Variants in CFAP58 observed in about 807,000 individuals in gnomAD.
CFAP58 encodes the protein cilia and flagella associated protein 58, also known as cilia- and flagella-associated protein 58.
Under a neutral mutation model 119.5 loss-of-function variants are expected in CFAP58, and 88 were observed. The observed-to-expected ratio is 0.74, with a 90% CI of 0.62 to 0.88. CFAP58 has a LOEUF of 0.88. Ranked by LOEUF, CFAP58 falls within the 40% of genes least tolerant of loss-of-function variation. CFAP58 has a pLI of 0.00. For missense variants in CFAP58, 990 were observed against 1,021.2 expected (o/e 0.97, Z 0.42); for synonymous variants, 365 against 366.3 (o/e 1.00, Z 0.04).
intron 15 of CFAP58, among the ~76,000 whole-genome samples, chr10:104,414,165 T>C (rs371036585): frequency 5.9e-5 from 9 of 152,212 alleles, no homozygotes; most frequent in African/African-American, 2.2e-4. Context: ...AATGGCAGGC[T>C]GATTTGTCAA....
intron 15 of CFAP58, among the ~76,000 whole-genome samples, chr10:104,425,421 A>T (rs1386131612): frequency 6.6e-6 from 1 of 152,172 alleles, no homozygotes; most frequent in African/African-American, 2.4e-5. Context: ...TATATGTCTT[A>T]GAGACCAAGC....
intron 9 of CFAP58, among the ~76,000 whole-genome samples, chr10:104,390,448 G>A (rs1462886939): frequency 6.6e-6 from 1 of 152,140 alleles, no homozygotes; most frequent in Non-Finnish European, 1.5e-5. Context: ...CTGTGTAGTT[G>A]TCTATTTACT....
In CFAP58 at chr10:104,380,070, C is replaced by T. The variant is rs1429503598; in HGVS notation, c.1215C>T (p.Asp405=). Residue 405 remains aspartate, a synonymous_variant, in exon 9 of 18, where the codon GAC becomes GAT. Transcript: ENST00000369704. The stretch of plus-strand genomic sequence containing the variant: ...TCAATGCGACCCAGAAGCAGACAGA[C>T]TTGGTAAAGCTCCATGAACAAGCCA... ...KAVNATQKQT[D]LVKLHEQAKR... is the part of the protein sequence containing the mutation. 2 of 1,614,062 alleles carry T rather than the reference C, an allele frequency of 1.2e-6. No individual in the cohort carries two copies. The highest frequency in any genetic ancestry group is 1.7e-6 in the Non-Finnish European group (2 of 1,179,976).
chr10:104,404,355 G>A (rs2012321148), intron 14 of CFAP58, among the ~76,000 whole-genome samples: 1 of 152,270 alleles, frequency 6.6e-6, no homozygotes, highest in African/African-American at 2.4e-5. Flanking sequence ...GGTAGGGGAT[G>A]GATAATCAAC....
At chr10:104,357,584 T>G (rs944974081) in intron 1 of CFAP58, among the ~76,000 whole-genome samples, 2 of 152,054 alleles carry the variant, frequency 1.3e-5, no homozygotes, top group Non-Finnish European at 2.9e-5. Context: ...GCTCTGAAAA[T>G]TCCTTGAATC....
chr10:104,399,326 T>C (rs2012219067), intron 11 of CFAP58, 34 bp from the exon 12 acceptor site: 5 of 1,609,994 alleles, frequency 3.1e-6, no homozygotes, highest in Middle Eastern at 1.7e-4. Context: ...CTGTAACGAA[T>C]TGAAATTTGC....
At chr10:104,364,606 C>T in intron 3 of CFAP58, 127 bp from the exon 4 acceptor site, 1 of 770,536 alleles carries the variant, frequency 1.3e-6, no homozygotes, top group South Asian at 2.0e-5. Context: ...AGATCTTTCT[C>T]TTTAATGTCT....
intron 9 of CFAP58, chr10:104,381,993 G>A: frequency 1.5e-6 from 1 of 650,896 alleles, no homozygotes; most frequent in East Asian, 2.8e-5. Flanking sequence ...GTTAGCTTCT[G>A]TATTCATCAG....
chr10:104,450,935 A>C (rs142663106), intron 17 of CFAP58, among the ~76,000 whole-genome samples: 1 of 151,878 alleles, frequency 6.6e-6, no homozygotes, highest in African/African-American at 2.4e-5. Flanking sequence ...GATGTGACCT[A>C]TTCTTCTAGG....
intron 9 of CFAP58, among the ~76,000 whole-genome samples, chr10:104,389,948 T>C (rs2011999629): frequency 6.6e-6 from 1 of 152,170 alleles, no homozygotes; most frequent in Non-Finnish European, 1.5e-5. Context: ...ATTAAAAGAA[T>C]CATCCAGTAT....
chr10:104,438,925 T>G (rs998713210), intron 15 of CFAP58, among the ~76,000 whole-genome samples: 23 of 152,218 alleles, frequency 1.5e-4, no homozygotes, highest in African/African-American at 4.3e-4. Context: ...TCAAATCAAC[T>G]ACATGAACAG....
At chr10:104,442,326 A>C (rs1008203617) in intron 15 of CFAP58, among the ~76,000 whole-genome samples, 3 of 152,218 alleles carry the variant, frequency 2.0e-5, no homozygotes, top group Non-Finnish European at 4.4e-5. Flanking sequence ...GCAGTGGCTC[A>C]TGCCTGTAAT....
chr10:104,420,127 C>CT (rs10708502), intron 15 of CFAP58, among the ~76,000 whole-genome samples: 92 of 143,756 alleles, frequency 6.4e-4, no homozygotes, highest in Admixed American at 1.9e-3. Context: ...TGTTTGGGGC[C>CT]TTTTTTTTTT....
chr10:104,437,081 C>G (rs2012947210), intron 15 of CFAP58, among the ~76,000 whole-genome samples: 2 of 152,202 alleles, frequency 1.3e-5, no homozygotes, highest in African/African-American at 4.8e-5. Context: ...TTGGCTCTAA[C>G]ACTTTCTAGT....
the CFAP58 span, among the ~76,000 whole-genome samples, chr10:104,342,877 T>G: frequency 6.9e-6 from 1 of 145,632 alleles, no homozygotes; most frequent in Non-Finnish European, 1.5e-5. Context: ...AAGTGACTTG[T>G]GACAAAGTCT....
rs10708502 is a variant in CFAP58, at chr10:104,420,127, CTT to C, written c.2256+13347_2256+13348del. On this transcript the variant is annotated intron_variant, in intron 15 of 17. Transcript: ENST00000369704. Reference sequence around the variant, plus strand: ...CTTTTAATATGCAGATGTTTGGGGCCTTTTTTTTTTTTTTACGATTGTGTTCA... The same window carrying C: ...CTTTTAATATGCAGATGTTTGGGGCCTTTTTTTTTTTTACGATTGTGTTCA... 2.0e-3 allele frequency among the ~76,000 whole-genome samples: 290 copies of C among 143,658 alleles called. 1 individual carries two copies. Among genetic ancestry groups the C allele is most frequent in the African/African-American group, 3.9e-3 (152 of 39,344 alleles). 94.2% of individuals were successfully genotyped at this position (143,658 alleles called of 152,430 possible). A position where few individuals can be genotyped will look rare whatever the true frequency, so the allele number is the denominator to read the frequency against.
At chr10:104,417,732 G>A (rs1270027368) in intron 15 of CFAP58, among the ~76,000 whole-genome samples, 1 of 152,182 alleles carries the variant, frequency 6.6e-6, no homozygotes, top group African/African-American at 2.4e-5. Flanking sequence ...ACTCTGCGCT[G>A]CCCTGTGCTG....
intron 7 of CFAP58, among the ~76,000 whole-genome samples, chr10:104,372,666 T>C (rs1030882990): frequency 3.3e-5 from 5 of 152,246 alleles, no homozygotes; most frequent in African/African-American, 4.8e-5. Context: ...ACTGGAACTT[T>C]AAGAGCAATT....
rs376463639 is a variant in CFAP58, at chr10:104,365,802, C to G, written c.598-12C>G. 1 of 1,598,380 alleles carries G rather than the reference C, an allele frequency of 6.3e-7. No homozygotes were observed. Among genetic ancestry groups the G allele is most frequent in the African/African-American group, 1.4e-5 (1 of 73,768 alleles). On this transcript the variant is annotated splice_polypyrimidine_tract_variant and intron_variant, in intron 4 of 17. Coordinates refer to ENST00000369704, the MANE Select transcript of CFAP58 (RefSeq NM_001008723.2). ...TCATCTCTTTCTCTCTTGTCCTTTC[C>G]GCAACCTCTAGTTCCAACAAGAAAT... is the stretch of plus-strand genomic sequence containing the variant.
Sources: gnomAD v4.1 joint callset for allele counts (sites outside exome capture counted in the v4.1 genomes callset) on GRCh38, gnomAD v4.1.1 for gene constraint, MANE v1.5 for transcripts, NCBI Gene and HGNC (gene_info 2026-07-23, HGNC 2026-07-21) for gene names.